The following ATF7IP2 variants were observed in gnomAD, a reference collection of about 807,000 sequenced individuals.
ATF7IP2 encodes activating transcription factor 7-interacting protein 2.
In ATF7IP2, 42 loss-of-function variants were observed where a neutral mutation model predicts 64.2. The observed-to-expected ratio is 0.65, with a 90% CI of 0.51 to 0.85. The LOEUF (loss-of-function observed/expected upper bound fraction) is 0.85, where lower values mean the gene tolerates loss of function less well. Among genes scored for constraint, ATF7IP2 ranks in the 40% least tolerant of loss-of-function variants. The pLI is 0.00. For synonymous variants in ATF7IP2, 308 were observed against 272.8 expected, an observed-to-expected ratio of 1.13 and a Z score of -1.27; for missense variants, 933 against 784.2, an observed-to-expected ratio of 1.19 and a Z score of -2.27.
At chr16:10,462,483 G>A (rs1019095205) in intron 9 of ATF7IP2, among the ~76,000 whole-genome samples, 1 of 152,040 alleles carries the variant, frequency 6.6e-6, no homozygotes, top group African/African-American at 2.4e-5. Flanking sequence ...AGAATTAGAG[G>A]TTGGCAGTTA....
At chr16:10,424,450 C>G (rs1273708324) in intron 3 of ATF7IP2, among the ~76,000 whole-genome samples, 1 of 152,150 alleles carries the variant, frequency 6.6e-6, no homozygotes, top group Non-Finnish European at 1.5e-5. Flanking sequence ...CTGTGATATA[C>G]TTGCTAAAAA....
In ATF7IP2 at chr16:10,480,962, C is replaced by A; in HGVS notation, c.1633C>A (p.Gln545Lys). ...ETTPLAQNAV[Q>K]VPESFEHLPP... Reference sequence around the variant, plus strand: ...AACCCCATTGGCACAAAATGCAGTCCAGGTACTGAATCAAAGTGCTCTGTA... The same window carrying A: ...AACCCCATTGGCACAAAATGCAGTCAAGGTACTGAATCAAAGTGCTCTGTA... The change falls in exon 13 of 14, where the codon CAG becomes AAG. Residue 545 changes from glutamine (Q) to lysine (K), a missense_variant and splice_region_variant. Coordinates refer to ENST00000562102, the MANE Select transcript of ATF7IP2 (RefSeq NM_001393719.1). The A allele has an allele frequency of 6.3e-7, 1 of 1,599,664 alleles. No individual in the cohort carries two copies. The highest frequency in any genetic ancestry group is 1.1e-5 in the South Asian group (1 of 90,750).
intron 9 of ATF7IP2, among the ~76,000 whole-genome samples, chr16:10,459,191 C>G (rs1181381851): frequency 6.7e-6 from 1 of 148,318 alleles, no homozygotes; most frequent in Non-Finnish European, 1.5e-5. Context: ...AAATTAGGCC[C>G]GGTGCGGTGG....
intron 9 of ATF7IP2, among the ~76,000 whole-genome samples, chr16:10,458,988 C>G (rs2049277124): frequency 6.6e-6 from 1 of 150,902 alleles, no homozygotes. Context: ...GAGTTTGAGA[C>G]CAGCCTGACC....
At position 10,401,654 on chromosome 16, in the gene ATF7IP2, C is replaced by CT. The variant is rs766698062; in HGVS notation, c.-241-12912dup. Reference sequence around the variant, plus strand: ...AAGAATTCCCTCCTTTTTTTTCCCTCTTTTTTTTGAATAGTTTCAAGAGGA... The same window carrying CT: ...AAGAATTCCCTCCTTTTTTTTCCCTCTTTTTTTTTGAATAGTTTCAAGAGGA... On this transcript the variant is annotated intron_variant, in intron 1 of 13. Transcript: ENST00000562102. Among the ~76,000 whole-genome samples, 245 of 150,612 alleles carry CT rather than the reference C, an allele frequency of 1.6e-3. 1 individual carries two copies. The highest frequency in any genetic ancestry group is 2.8e-3 in the Non-Finnish European group (192 of 67,642).
chr16:10,406,236 A>G (rs944955703), intron 1 of ATF7IP2, among the ~76,000 whole-genome samples: 1 of 152,144 alleles, frequency 6.6e-6, no homozygotes, highest in Non-Finnish European at 1.5e-5. Context: ...CCTCTCGAGT[A>G]GCTGGGACTA....
At chr16:10,401,917 CTGT>C (rs1472394780) in intron 1 of ATF7IP2, among the ~76,000 whole-genome samples, 1 of 152,000 alleles carries the variant, frequency 6.6e-6, no homozygotes, top group Non-Finnish European at 1.5e-5. Context: ...ATAATAGTCT[CTGT>C]TGTTGTTTTG....
Position 10,481,857 on chromosome 16 carries a change from C to G in ATF7IP2, c.1657C>G (p.Leu553Val). ...TTAGGTTCCTGAGTCCTTTGAGCACCTGCCACCTCTCCCAGAACCACCAGC... is the reference window on the plus strand; with the variant it reads ...TTAGGTTCCTGAGTCCTTTGAGCACGTGCCACCTCTCCCAGAACCACCAGC... ...AVQVPESFEH[L>V]PPLPEPPAPL... The change falls in exon 14 of 14, where the codon CTG (leucine) becomes GTG (valine). Residue 553 changes from leucine (L) to valine (V), a missense_variant. By Grantham distance (32) the Leu-to-Val change is conservative (BLOSUM62 1). Coordinates refer to ENST00000562102, the MANE Select transcript of ATF7IP2 (RefSeq NM_001393719.1). The G allele has an allele frequency of 1.3e-6, 2 of 1,597,098 alleles. No individual in the cohort carries two copies. Among genetic ancestry groups the G allele is most frequent in the Non-Finnish European group, 1.7e-6 (2 of 1,174,544 alleles).
At chr16:10,463,182 G>C (rs1303337850) in intron 9 of ATF7IP2, among the ~76,000 whole-genome samples, 1 of 152,018 alleles carries the variant, frequency 6.6e-6, no homozygotes, top group African/African-American at 2.4e-5. Flanking sequence ...TGCTAATTTT[G>C]TGTTTGATTA....
intron 2 of ATF7IP2, among the ~76,000 whole-genome samples, chr16:10,414,919 G>A (rs527693004): frequency 4.8e-4 from 73 of 152,146 alleles, no homozygotes; most frequent in Non-Finnish European, 9.6e-4. Context: ...GTAACTAACC[G>A]AAGATGTGAA....
intron 3 of ATF7IP2, among the ~76,000 whole-genome samples, chr16:10,425,074 T>G (rs1216285513): frequency 6.7e-6 from 1 of 149,560 alleles, no homozygotes; most frequent in East Asian, 1.9e-4. Flanking sequence ...TTTTTTTTTT[T>G]TGAGACAGAG....
At chr16:10,467,042 T>G (rs2049600477) in intron 9 of ATF7IP2, among the ~76,000 whole-genome samples, 1 of 152,122 alleles carries the variant, frequency 6.6e-6, no homozygotes, top group Non-Finnish European at 1.5e-5. Flanking sequence ...ACAAGGCTAA[T>G]CCTCTGCTTG....
At chr16:10,388,482 C>G (rs1039227125) in intron 1 of ATF7IP2, among the ~76,000 whole-genome samples, 1 of 152,148 alleles carries the variant, frequency 6.6e-6, no homozygotes, top group African/African-American at 2.4e-5. Flanking sequence ...ACCTCTGAGG[C>G]TCTAGTGTGT....
chr16:10,406,084 G>A (rs1414634212), intron 1 of ATF7IP2, among the ~76,000 whole-genome samples: 2 of 144,246 alleles, frequency 1.4e-5, no homozygotes, highest in African/African-American at 5.3e-5. Context: ...GTGAGAATCT[G>A]TCTCAAAAAA....
At chr16:10,478,716 CA>C (rs1886998683) in intron 12 of ATF7IP2, among the ~76,000 whole-genome samples, 1 of 152,128 alleles carries the variant, frequency 6.6e-6, no homozygotes, top group African/African-American at 2.4e-5. Flanking sequence ...AGTGAACAGG[CA>C]ACCTACAAAA....
chr16:10,472,326 G>A (rs1048798692), intron 10 of ATF7IP2, 143 bp downstream of exon 10: 3 of 455,468 alleles, frequency 6.6e-6, no homozygotes, highest in South Asian at 1.0e-4. Context: ...TTATATCATG[G>A]TTAATATTAC....
intron 12 of ATF7IP2, among the ~76,000 whole-genome samples, chr16:10,479,391 T>C (rs993499928): frequency 6.6e-6 from 1 of 152,068 alleles, no homozygotes; most frequent in African/African-American, 2.4e-5. Flanking sequence ...CTCAGTAAAC[T>C]ATCGCAAGAA....
At chr16:10,471,234 A>G (rs1250527150) in intron 9 of ATF7IP2, among the ~76,000 whole-genome samples, 2 of 152,194 alleles carry the variant, frequency 1.3e-5, no homozygotes, top group African/African-American at 4.8e-5. Context: ...CTGCAAGAAA[A>G]TGGTATAATT....
intron 5 of ATF7IP2, among the ~76,000 whole-genome samples, chr16:10,432,872 CCTT>C (rs144034910): frequency 0.15 from 22,985 of 151,968 alleles, 1,903 homozygotes; most frequent in African/African-American, 0.22. Flanking sequence ...GAGTGAGACT[CCTT>C]CTCAAAATGA....
Sources: gnomAD v4.1 joint callset for allele counts (sites outside exome capture counted in the v4.1 genomes callset) on GRCh38, gnomAD v4.1.1 for gene constraint, MANE v1.5 for transcripts, NCBI Gene and HGNC (gene_info 2026-07-23, HGNC 2026-07-21) for gene names.